Variants in FGFR1OP2 observed in about 807,000 individuals in gnomAD.
The protein encoded by FGFR1OP2 is FGFR1 oncogene partner 2.
A neutral mutation model predicts 35.2 loss-of-function variants in FGFR1OP2; 17 were observed. That is an observed-to-expected ratio of 0.48 (90% CI 0.33 to 0.73). The LOEUF is 0.73. FGFR1OP2 is among the 30% of genes least tolerant of loss of function. FGFR1OP2 has a pLI of 0.02. For synonymous variants in FGFR1OP2, 105 were observed against 104.6 expected, an observed-to-expected ratio of 1.00 and a Z score of -0.03; for missense variants, 251 against 307.3, an observed-to-expected ratio of 0.82 and a Z score of 1.37.
rs965341919 is a variant in FGFR1OP2, at chr12:26,964,621, T to A, written c.650T>A (p.Ile217Asn). The A allele has an allele frequency of 6.2e-7, 1 of 1,612,928 alleles. No individual in the cohort carries two copies. Among genetic ancestry groups the A allele is most frequent in the Non-Finnish European group, 8.5e-7 (1 of 1,179,384 alleles). ...CAAGAAAACAAAGGCTTGAGAGAGA[T>A]CCTTCAAATAACTCGAGAATCATTT... Reference protein sequence around the residue: ...LEQENKGLREILQITRESFLN... With the variant: ...LEQENKGLRENLQITRESFLN... The change falls in exon 7 of 7, where the codon ATC (isoleucine) becomes AAC (asparagine). Residue 217 changes from isoleucine (I) to asparagine (N), a missense_variant. Transcript: ENST00000229395.
intron 5 of FGFR1OP2, chr12:26,962,096 T>TG (rs1170596275): frequency 1.3e-5 from 2 of 152,244 alleles, no homozygotes; most frequent in Non-Finnish European, 2.9e-5. Flanking sequence ...GTTGAGCACT[T>TG]GCAGTGTCAC....
chr12:26,954,097 G>A, intron 1 of FGFR1OP2, 48 bp from the exon 2 acceptor site: 1 of 1,351,282 alleles, frequency 7.4e-7, no homozygotes, highest in Non-Finnish European at 1.0e-6. Flanking sequence ...CTAAAATAAA[G>A]AGATATGTTG....
intron 4 of FGFR1OP2, among the ~76,000 whole-genome samples, chr12:26,958,877 A>G (rs1386812776): frequency 6.6e-6 from 1 of 152,190 alleles, no homozygotes; most frequent in African/African-American, 2.4e-5. Flanking sequence ...CCTGTATTAG[A>G]TAATGGTGAG....
chr12:26,954,497 T>C (rs1938988654), intron 2 of FGFR1OP2, among the ~76,000 whole-genome samples: 1 of 152,240 alleles, frequency 6.6e-6, no homozygotes, highest in African/African-American at 2.4e-5. Context: ...ATTTGATCAC[T>C]TATTTTGCTG....
At chr12:26,952,318 C>A (rs1169444985) in intron 1 of FGFR1OP2, among the ~76,000 whole-genome samples, 3 of 152,114 alleles carry the variant, frequency 2.0e-5, no homozygotes. Flanking sequence ...ATGCCTCTCT[C>A]AGAACGGCAT....
intron 6 of FGFR1OP2, 149 bp from the exon 7 acceptor site, chr12:26,964,447 C>A: frequency 1.4e-6 from 1 of 719,414 alleles, no homozygotes; most frequent in Non-Finnish European, 2.2e-6. Context: ...AAGTTGCCAA[C>A]TGCATATATC....
chr12:26,960,614 G>A lies in FGFR1OP2; in HGVS notation c.496G>A (p.Glu166Lys). ...ACATGGACTGGAGAGAAGGCACTTG[G>A]AAGCAAATCAGAATGTACACTAAAT... ...PQHGLERRHL[E>K]ANQNELQAHV... The change falls in exon 5 of 7, where the codon GAA becomes AAA. Residue 166 changes from glutamate to lysine, a missense_variant. By Grantham distance (56) the Glu-to-Lys change is moderately conservative. Transcript: ENST00000229395. 1 of 1,612,888 alleles carries A rather than the reference G, an allele frequency of 6.2e-7. No homozygotes were observed. Among genetic ancestry groups the A allele is most frequent in the African/African-American group, 1.3e-5 (1 of 75,012 alleles).
chr12:26,949,742 C>A (rs1269635294), intron 1 of FGFR1OP2, among the ~76,000 whole-genome samples: 1 of 151,860 alleles, frequency 6.6e-6, no homozygotes, highest in East Asian at 1.9e-4. Flanking sequence ...CCACACCCAG[C>A]TAATTTTTGT....
rs751490602 is a variant in FGFR1OP2, at chr12:26,964,633, C to T, written c.662C>T (p.Thr221Ile). 4.3e-6 allele frequency: 7 copies of T among 1,613,116 alleles called. No homozygotes were observed. Among genetic ancestry groups the T allele is most frequent in the Non-Finnish European group, 5.9e-6 (7 of 1,179,442 alleles). Residue 221 changes from threonine to isoleucine, a missense_variant, in exon 7 of 7, where the codon ACT becomes ATT. Transcript: ENST00000229395. The stretch of plus-strand genomic sequence containing the variant: ...GGCTTGAGAGAGATCCTTCAAATAA[C>T]TCGAGAATCATTTTTGAACCTAAGG... ...NKGLREILQI[T>I]RESFLNLRKD...
chr12:26,947,150 C>T (rs982311105), intron 1 of FGFR1OP2, among the ~76,000 whole-genome samples: 3 of 152,090 alleles, frequency 2.0e-5, no homozygotes, highest in Admixed American at 6.5e-5. Context: ...TGGTATGTAC[C>T]TAGGAGTGGA....
chr12:26,944,537 G>A (rs1446025067), intron 1 of FGFR1OP2, among the ~76,000 whole-genome samples: 1 of 152,154 alleles, frequency 6.6e-6, no homozygotes, highest in Non-Finnish European at 1.5e-5. Context: ...GATTACATTG[G>A]AGACAGCCTT....
At chr12:26,959,604 G>T (rs1343111874) in intron 4 of FGFR1OP2, among the ~76,000 whole-genome samples, 2 of 152,216 alleles carry the variant, frequency 1.3e-5, no homozygotes, top group East Asian at 3.9e-4. Context: ...ACCAGAGCTG[G>T]TTTATTAATT....
chr12:26,965,276 C>T lies in FGFR1OP2; in HGVS notation c.*543C>T, dbSNP rs1470323347. Reference sequence around the variant, plus strand: ...AGGCTATAGGAATGTGTTATATGTACCTTAAACAGATAATTTAATTTTAGC... The same window carrying T: ...AGGCTATAGGAATGTGTTATATGTATCTTAAACAGATAATTTAATTTTAGC... On this transcript the variant is annotated 3_prime_UTR_variant, in exon 7 of 7. Transcript: ENST00000229395. The T allele has an allele frequency of 6.6e-6, 1 of 152,380 alleles. No individual in the cohort carries two copies. The highest frequency in any genetic ancestry group is 1.5e-5 in the Non-Finnish European group (1 of 67,960). 9.4% of individuals were successfully genotyped at this position (152,380 alleles called of 1,614,324 possible). A position where few individuals can be genotyped will look rare whatever the true frequency, so the allele number is the denominator to read the frequency against.
chr12:26,941,535 T>TA (rs1475671177), intron 1 of FGFR1OP2, among the ~76,000 whole-genome samples: 6 of 152,254 alleles, frequency 3.9e-5, no homozygotes, highest in Admixed American at 3.9e-4. Flanking sequence ...GGTAGGTTTT[T>TA]ATAGTTAACA....
chr12:26,945,582 T>G (rs1167573924), intron 1 of FGFR1OP2, among the ~76,000 whole-genome samples: 2 of 152,204 alleles, frequency 1.3e-5, no homozygotes, highest in Non-Finnish European at 2.9e-5. Flanking sequence ...TTGTACTGGC[T>G]AGGCGTGGTG....
chr12:26,962,928 C>G (rs916380555), intron 5 of FGFR1OP2: 1 of 153,974 alleles, frequency 6.5e-6, no homozygotes, highest in African/African-American at 2.4e-5. Flanking sequence ...ACTTTATAGG[C>G]CTGAACAATA....
chr12:26,950,213 G>GTTTTTTGTTTTTTTTTTTTTTTTT (rs1938899551), intron 1 of FGFR1OP2, among the ~76,000 whole-genome samples: 1 of 50,934 alleles, frequency 2.0e-5, no homozygotes, highest in Non-Finnish European at 3.4e-5. Flanking sequence ...TGTATTCGTT[G>GTTTTTTGTTTTTTTTTTTTTTTTT]TTTTTTTTTT....
chr12:26,950,213 G>GTTTTTTGTTTT lies in FGFR1OP2; in HGVS notation c.-14-3926_-14-3925insGTTTTTTTTTT, dbSNP rs1938899551. ...CCATCAAGTAGTTAATGTATTCGTTGTTTTTTTTTTTTTTTTTTTTTTTTT... is the reference window on the plus strand; with the variant it reads ...CCATCAAGTAGTTAATGTATTCGTTGTTTTTTGTTTTTTTTTTTTTTTTTTTTTTTTTTTTT... On this transcript the variant is annotated intron_variant, in intron 1 of 6. Transcript: ENST00000229395. Among the ~76,000 whole-genome samples the GTTTTTTGTTTT allele has an allele frequency of 9.8e-5, 5 of 50,934 alleles. 1 individual carries two copies. The highest frequency in any genetic ancestry group is 4.0e-4 in the African/African-American group (5 of 12,368). The allele number at this position is 50,934 out of a possible 152,430, so 33.4% of individuals were successfully genotyped here. A position where few individuals can be genotyped will look rare whatever the true frequency, so the allele number is the denominator to read the frequency against.
chr12:26,945,293 G>A (rs1294413757), intron 1 of FGFR1OP2, among the ~76,000 whole-genome samples: 1 of 151,998 alleles, frequency 6.6e-6, no homozygotes, highest in Non-Finnish European at 1.5e-5. Context: ...CCTAAAGGTT[G>A]AGGCTTACAT....
Sources: allele counts gnomAD v4.1 joint callset (sites outside exome capture counted in the v4.1 genomes callset), GRCh38; gene constraint gnomAD v4.1.1; transcripts MANE v1.5; gene names NCBI Gene and HGNC (gene_info 2026-07-23, HGNC 2026-07-21).